Variants in COL14A1 observed in about 807,000 individuals in gnomAD.
COL14A1 encodes collagen type XIV alpha 1 chain, also known as collagen alpha-1(XIV) chain.
Under a neutral mutation model 230.3 loss-of-function variants are expected in COL14A1, and 136 were observed. The observed-to-expected ratio is 0.59, with a 90% CI of 0.51 to 0.68. The LOEUF (loss-of-function observed/expected upper bound fraction) is 0.68, where lower values mean the gene tolerates loss of function less well. Among genes scored for constraint, COL14A1 ranks in the 30% least tolerant of loss-of-function variants. The pLI is 0.00. For synonymous variants in COL14A1, 792 were observed against 784.1 expected (o/e 1.01, Z -0.17); for missense variants, 1,976 against 2,215.8 (o/e 0.89, Z 2.17).
intron 1 of COL14A1, among the ~76,000 whole-genome samples, chr8:120,131,977 G>A (rs184394376): frequency 6.2e-4 from 93 of 149,216 alleles, no homozygotes; most frequent in African/African-American, 2.3e-3. Flanking sequence ...CTCTCTAGTA[G>A]TTGGGATTAC....
chr8:120,329,640 G>A (rs1335048256), intron 40 of COL14A1, among the ~76,000 whole-genome samples: 2 of 152,096 alleles, frequency 1.3e-5, no homozygotes, highest in Non-Finnish European at 2.9e-5. Context: ...ACTTATATCA[G>A]CATTAATTTG....
intron 22 of COL14A1, among the ~76,000 whole-genome samples, chr8:120,251,845 A>C (rs1818973338): frequency 6.6e-6 from 1 of 152,116 alleles, no homozygotes; most frequent in Admixed American, 6.5e-5. Context: ...GTCTACCTTA[A>C]ATTACTGCTT....
intron 40 of COL14A1, among the ~76,000 whole-genome samples, chr8:120,321,703 T>C (rs1471686064): frequency 2.0e-5 from 3 of 151,700 alleles, no homozygotes; most frequent in African/African-American, 7.3e-5. Flanking sequence ...ATGGTACAAA[T>C]AGTAACATCT....
intron 40 of COL14A1, among the ~76,000 whole-genome samples, chr8:120,328,466 A>T (rs1029159581): frequency 6.6e-6 from 1 of 151,506 alleles, no homozygotes; most frequent in African/African-American, 2.4e-5. Flanking sequence ...TCCTGGGCTC[A>T]AGCGATCCTT....
chr8:120,370,766 C>A, intron 47 of COL14A1: 2 of 1,377,406 alleles, frequency 1.5e-6, no homozygotes, highest in Non-Finnish European at 1.9e-6. Flanking sequence ...CCTTGACCAC[C>A]CTACTCTCCC....
intron 35 of COL14A1, 38 bp from the exon 36 acceptor site, chr8:120,300,694 G>T: frequency 6.7e-7 from 1 of 1,485,196 alleles, no homozygotes; most frequent in Admixed American, 1.8e-5. Flanking sequence ...TGTATAAACT[G>T]GCATGCTAAT....
intron 29 of COL14A1, among the ~76,000 whole-genome samples, chr8:120,280,323 C>G (rs1230344707): frequency 6.6e-6 from 1 of 152,090 alleles, no homozygotes; most frequent in East Asian, 1.9e-4. Context: ...AGATGACAGT[C>G]TATGTTTAAA....
chr8:120,138,410 C>A (rs1163418410), intron 1 of COL14A1, among the ~76,000 whole-genome samples: 1 of 152,100 alleles, frequency 6.6e-6, no homozygotes, highest in Non-Finnish European at 1.5e-5. Flanking sequence ...GTGTCTCATT[C>A]CATTCTGACA....
intron 11 of COL14A1, 137 bp downstream of exon 11, chr8:120,208,498 C>A: frequency 1.0e-6 from 1 of 974,428 alleles, no homozygotes; most frequent in East Asian, 2.6e-5. Flanking sequence ...AGACATTTGT[C>A]GTGCTATATG....
rs140665345 is a variant in COL14A1 at position 120,207,485 on chromosome 8, C to T, written c.1191+391C>T. Among the ~76,000 whole-genome samples, 17 of 152,240 alleles carry T rather than the reference C, an allele frequency of 1.1e-4. No individual in the cohort carries two copies. The East Asian group carries it at 2.1e-3, about 19-fold the overall frequency. On this transcript the variant is annotated intron_variant, in intron 10 of 47. Coordinates refer to ENST00000297848, the MANE Select transcript of COL14A1 (RefSeq NM_021110.4). ...AGTTAAGTCTGTGAATTCCAAAGTA[C>T]GTGGTCATATATGGACTAGTCCTCC...
At chr8:120,166,474 C>T (rs1815877529) in intron 4 of COL14A1, among the ~76,000 whole-genome samples, 1 of 152,160 alleles carries the variant, frequency 6.6e-6, no homozygotes, top group Non-Finnish European at 1.5e-5. Context: ...CTTTGGAAGT[C>T]TGACTCAAAA....
rs182247844 is a variant in COL14A1, at chr8:120,317,766, A to G, written c.4659+1769A>G. Among the ~76,000 whole-genome samples, 66 of 152,310 alleles carry G rather than the reference A, an allele frequency of 4.3e-4. No individual in the cohort carries two copies. The East Asian group carries it at 5.4e-3, about 12-fold the overall frequency. On this transcript the variant is annotated intron_variant, in intron 40 of 47. Transcript: ENST00000297848. ...CAATATACCAACACAGACTTTTTAT[A>G]AATATTTTGCTATCCCTCCAAATGT...
intron 1 of COL14A1, among the ~76,000 whole-genome samples, chr8:120,141,424 T>C (rs770315090): frequency 2.6e-4 from 40 of 152,070 alleles, no homozygotes; most frequent in Middle Eastern, 3.4e-3. Context: ...CACATGCCTA[T>C]AGTCCAGCTG....
At chr8:120,355,766 G>A (rs928837539) in intron 45 of COL14A1, among the ~76,000 whole-genome samples, 9 of 152,028 alleles carry the variant, frequency 5.9e-5, no homozygotes, top group East Asian at 1.9e-4. Flanking sequence ...TAATCCTCCC[G>A]AAATTTTTGA....
At chr8:120,370,692 A>G in intron 47 of COL14A1, 2 of 1,425,480 alleles carry the variant, frequency 1.4e-6, no homozygotes, top group Non-Finnish European at 1.9e-6. Context: ...GCTTCATAAT[A>G]AAGTTACTTA....
chr8:120,186,453 A>G (rs951410522), intron 5 of COL14A1, among the ~76,000 whole-genome samples: 1 of 152,252 alleles, frequency 6.6e-6, no homozygotes, highest in African/African-American at 2.4e-5. Context: ...GGCATAGAAC[A>G]AAATAATTCA....
chr8:120,235,447 G>A (rs970614764), intron 19 of COL14A1, among the ~76,000 whole-genome samples: 1 of 152,110 alleles, frequency 6.6e-6, no homozygotes, highest in Non-Finnish European at 1.5e-5. Flanking sequence ...GGGATTACAG[G>A]CATGCACCAC....
intron 9 of COL14A1, among the ~76,000 whole-genome samples, chr8:120,206,424 C>T (rs1586765239): frequency 1.3e-5 from 2 of 152,196 alleles, no homozygotes; most frequent in South Asian, 4.1e-4. Context: ...GATCTCGGCT[C>T]ACTGCAACCT....
At chr8:120,176,053 AT>A (rs1443209314) in intron 5 of COL14A1, among the ~76,000 whole-genome samples, 2 of 152,374 alleles carry the variant, frequency 1.3e-5, no homozygotes, top group Non-Finnish European at 2.9e-5. Context: ...AGTGCCACAT[AT>A]TTTATATATA....
Sources: gnomAD v4.1 joint callset for allele counts (sites outside exome capture counted in the v4.1 genomes callset) on GRCh38, gnomAD v4.1.1 for gene constraint, MANE v1.5 for transcripts, NCBI Gene and HGNC (gene_info 2026-07-23, HGNC 2026-07-21) for gene names.